GRM8: variants seen among roughly 807,000 people sequenced by gnomAD.
GRM8 encodes the protein metabotropic glutamate receptor 8.
A neutral mutation model predicts 87.2 loss-of-function variants in GRM8; 47 were observed. The observed-to-expected ratio is 0.54, with a 90% CI of 0.43 to 0.69. The LOEUF (loss-of-function observed/expected upper bound fraction) is 0.69, where lower values mean the gene tolerates loss of function less well. Among genes scored for constraint, GRM8 ranks in the 30% least tolerant of loss-of-function variants. The pLI is 0.00. For missense variants in GRM8, 1,019 were observed against 1,139.2 expected (o/e 0.89, Z 1.52); for synonymous variants, 396 against 404.5 (o/e 0.98, Z 0.25).
At chr7:126,702,450 TATACTC>T (rs1212395843) in intron 7 of GRM8, among the ~76,000 whole-genome samples, 1 of 152,198 alleles carries the variant, frequency 6.6e-6, no homozygotes, top group African/African-American at 2.4e-5. Flanking sequence ...GACAACCAGA[TATACTC>T]ATGCGAAGCA....
chr7:127,195,440 C>T (rs1447232861), intron 2 of GRM8, among the ~76,000 whole-genome samples: 1 of 152,112 alleles, frequency 6.6e-6, no homozygotes, highest in Non-Finnish European at 1.5e-5. Flanking sequence ...ATTATTAGAG[C>T]TCAGAATGAA....
intron 2 of GRM8, among the ~76,000 whole-genome samples, chr7:127,115,745 A>T (rs1826663560): frequency 6.6e-6 from 1 of 152,196 alleles, no homozygotes; most frequent in Admixed American, 6.5e-5. Flanking sequence ...TCAAGTCACT[A>T]GTAGTGTGGG....
chr7:126,790,557 A>G (rs1821171075), intron 6 of GRM8, among the ~76,000 whole-genome samples: 1 of 152,178 alleles, frequency 6.6e-6, no homozygotes, highest in South Asian at 2.1e-4. Flanking sequence ...TGCATTAGCC[A>G]TTGTATTAGC....
At chr7:126,832,463 C>CA (rs1317132814) in intron 6 of GRM8, among the ~76,000 whole-genome samples, 1 of 151,970 alleles carries the variant, frequency 6.6e-6, no homozygotes, top group Admixed American at 6.6e-5. Flanking sequence ...ATGAAGCCAA[C>CA]AAAAAAACAC....
intron 2 of GRM8, among the ~76,000 whole-genome samples, chr7:127,142,905 G>A (rs748608914): frequency 1.3e-5 from 2 of 152,122 alleles, no homozygotes; most frequent in African/African-American, 2.4e-5. Context: ...ATTAGTGTAA[G>A]TCATGATTTA....
intron 7 of GRM8, among the ~76,000 whole-genome samples, chr7:126,661,936 A>G (rs1005846934): frequency 6.6e-6 from 1 of 152,278 alleles, no homozygotes; most frequent in South Asian, 2.1e-4. Context: ...TCTCATATTT[A>G]ATGATTCTAT....
intron 9 of GRM8, among the ~76,000 whole-genome samples, chr7:126,479,715 A>G (rs144998026): frequency 6.6e-5 from 10 of 151,246 alleles, no homozygotes; most frequent in African/African-American, 2.4e-4. Flanking sequence ...GGACTTTCAA[A>G]CTTTATCGTG....
intron 9 of GRM8, among the ~76,000 whole-genome samples, chr7:126,497,505 C>T (rs1808938239): frequency 6.6e-6 from 1 of 151,868 alleles, no homozygotes; most frequent in Admixed American, 6.6e-5. Flanking sequence ...AAATGACTGG[C>T]TGTGTATGTA....
chr7:126,988,079 A>C (rs571030261), intron 3 of GRM8, among the ~76,000 whole-genome samples: 2 of 152,314 alleles, frequency 1.3e-5, no homozygotes, highest in South Asian at 4.1e-4. Context: ...TCGTTTAAAA[A>C]AAAAAAATGA....
intron 3 of GRM8, among the ~76,000 whole-genome samples, chr7:127,033,252 C>CT: frequency 6.6e-6 from 1 of 151,988 alleles, no homozygotes; most frequent in Non-Finnish European, 1.5e-5. Flanking sequence ...TATTCTCTTT[C>CT]TTTGGCTTCA....
chr7:126,810,310 A>G (rs1339966799), intron 6 of GRM8, among the ~76,000 whole-genome samples: 5 of 152,200 alleles, frequency 3.3e-5, no homozygotes, highest in Non-Finnish European at 1.5e-5. Flanking sequence ...CACCTTCTCT[A>G]AGTACCCTTA....
intron 3 of GRM8, among the ~76,000 whole-genome samples, chr7:127,013,434 G>A (rs1331830942): frequency 6.6e-6 from 1 of 151,818 alleles, no homozygotes; most frequent in Non-Finnish European, 1.5e-5. Flanking sequence ...ATCCACAAAG[G>A]GGAAAGGAAG....
Position 126,808,590 on chromosome 7 carries a change from C to T in GRM8, c.1157-38525G>A, listed in dbSNP as rs541116267. Among the ~76,000 whole-genome samples, 259 of 152,294 alleles carry T rather than the reference C, an allele frequency of 1.7e-3. 1 individual carries two copies. The highest frequency in any genetic ancestry group is 6.1e-3 in the African/African-American group (252 of 41,546). On this transcript the variant is annotated intron_variant, in intron 6 of 10. Coordinates refer to ENST00000339582, the MANE Select transcript of GRM8 (RefSeq NM_000845.3). ...CCTCTTCCTTAGAGCAAACATACAA[C>T]ATAGGTGGTAGGTTTTTCAAATAAT...
chr7:126,655,319 T>C (rs1804391494), intron 7 of GRM8, among the ~76,000 whole-genome samples: 1 of 152,212 alleles, frequency 6.6e-6, no homozygotes, highest in African/African-American at 2.4e-5. Context: ...GAGATCCCAG[T>C]TGCATCCCAT....
At chr7:126,940,927 G>T (rs1338614849) in intron 3 of GRM8, among the ~76,000 whole-genome samples, 1 of 152,174 alleles carries the variant, frequency 6.6e-6, no homozygotes, top group Non-Finnish European at 1.5e-5. Context: ...GTAGAGCATT[G>T]TTTGCTTAGT....
At position 126,755,173 on chromosome 7, in the gene GRM8, T is replaced by C. The variant is rs2151555535; in HGVS notation, c.1357+14692A>G. Among the ~76,000 whole-genome samples the C allele has an allele frequency of 2.0e-5, 3 of 152,176 alleles. No individual in the cohort carries two copies. In the South Asian group the frequency reaches 6.2e-4, roughly 31 times the overall value. On this transcript the variant is annotated intron_variant, in intron 7 of 10. Coordinates refer to ENST00000339582, the MANE Select transcript of GRM8 (RefSeq NM_000845.3). ...AACAATATCTGATAGTTTGTGCCTA[T>C]GCACATAGACTGTTTAAGATGAAAA...
At chr7:126,903,755 GTATATATATA>G (rs1219504080) in intron 5 of GRM8, among the ~76,000 whole-genome samples, 15 of 105,118 alleles carry the variant, frequency 1.4e-4, no homozygotes, top group African/African-American at 5.5e-4. Context: ...ATGTATATGT[GTATATATATA>G]TGTGTGTGTG....
intron 3 of GRM8, among the ~76,000 whole-genome samples, chr7:126,958,525 T>C (rs1808976628): frequency 6.6e-6 from 1 of 152,194 alleles, no homozygotes; most frequent in Non-Finnish European, 1.5e-5. Context: ...CCAGCGCGCC[T>C]GGCTGTGCGC....
intron 7 of GRM8, among the ~76,000 whole-genome samples, chr7:126,620,040 C>T (rs1373999725): frequency 9.8e-6 from 1 of 101,788 alleles, no homozygotes; most frequent in African/African-American, 3.0e-5. Context: ...TGCAGTGGCT[C>T]ATACTTTGGG....
Sources: gnomAD v4.1 joint callset for allele counts (sites outside exome capture counted in the v4.1 genomes callset) on GRCh38, gnomAD v4.1.1 for gene constraint, MANE v1.5 for transcripts, NCBI Gene and HGNC (gene_info 2026-07-23, HGNC 2026-07-21) for gene names.